Variants in CYRIB observed in about 807,000 individuals in gnomAD.
CYRIB encodes the protein CYFIP related Rac1 interactor B.
Under a neutral mutation model 44.2 loss-of-function variants are expected in CYRIB, and 8 were observed. The ratio of observed to expected loss-of-function variants is 0.18; its 90% CI spans 0.11 to 0.33. CYRIB has a LOEUF of 0.33. CYRIB is among the 10% of genes least tolerant of loss of function. The probability of loss-of-function intolerance (pLI) is 1.00; values close to 1 mark genes in which losing one functional copy is unlikely to be tolerated. For missense variants in CYRIB, 185 were observed against 382.8 expected (o/e 0.48, Z 4.31); for synonymous variants, 131 against 127.2 (o/e 1.03, Z -0.20).
At chr8:129,965,877 G>GGC (rs2095460451) in intron 2 of CYRIB, among the ~76,000 whole-genome samples, 1 of 151,926 alleles carries the variant, frequency 6.6e-6, no homozygotes, top group Admixed American at 6.6e-5. Flanking sequence ...TTGAGGCAGA[G>GGC]TCTTGCTCTT....
At chr8:129,930,943 T>C (rs2091044352) in intron 1 of CYRIB, among the ~76,000 whole-genome samples, 1 of 152,128 alleles carries the variant, frequency 6.6e-6, no homozygotes, top group African/African-American at 2.4e-5. Flanking sequence ...CTCCATACTT[T>C]TGAAAAAAAC....
intron 2 of CYRIB, among the ~76,000 whole-genome samples, chr8:129,947,501 C>T (rs1304285466): frequency 3.9e-5 from 6 of 152,184 alleles, no homozygotes; most frequent in Non-Finnish European, 8.8e-5. Flanking sequence ...GCAGTTCCTG[C>T]CATGGTGCCT....
chr8:129,998,159 C>A (rs533462772), intron 1 of CYRIB, among the ~76,000 whole-genome samples: 15 of 149,908 alleles, frequency 1.0e-4, no homozygotes, highest in African/African-American at 3.7e-4. Context: ...ACCTCAGAAA[C>A]GGAGGCTGCC....
chr8:129,914,393 T>C (rs181132380), intron 1 of CYRIB, among the ~76,000 whole-genome samples: 40 of 152,292 alleles, frequency 2.6e-4, no homozygotes, highest in African/African-American at 8.7e-4. Flanking sequence ...AGGATGACAA[T>C]GTCTCAGAGG....
intron 1 of CYRIB, among the ~76,000 whole-genome samples, chr8:129,996,823 A>G (rs1157790930): frequency 6.6e-6 from 1 of 152,034 alleles, no homozygotes; most frequent in African/African-American, 2.4e-5. Flanking sequence ...TTTTTTTAAG[A>G]TACCCTGAAG....
At chr8:129,921,252 T>A (rs1026926263) in intron 1 of CYRIB, among the ~76,000 whole-genome samples, 1 of 152,220 alleles carries the variant, frequency 6.6e-6, no homozygotes, top group Non-Finnish European at 1.5e-5. Flanking sequence ...TTGAGATTCA[T>A]AACAATTTAC....
At chr8:129,956,909 G>A (rs1437251691) in intron 2 of CYRIB, among the ~76,000 whole-genome samples, 1 of 144,084 alleles carries the variant, frequency 6.9e-6, no homozygotes, top group Non-Finnish European at 1.5e-5. Context: ...CATGACCATG[G>A]TTCACTGCAG....
At chr8:129,989,656 T>A (rs1383165342) in intron 1 of CYRIB, among the ~76,000 whole-genome samples, 1 of 151,156 alleles carries the variant, frequency 6.6e-6, no homozygotes, top group African/African-American at 2.4e-5. Context: ...TTTTTTTTTT[T>A]AATTATACTT....
At chr8:129,893,031 C>T (rs1265186992) in intron 2 of CYRIB, among the ~76,000 whole-genome samples, 1 of 152,152 alleles carries the variant, frequency 6.6e-6, no homozygotes, top group Non-Finnish European at 1.5e-5. Context: ...TTGTATGAAT[C>T]AGTAATTTTG....
intron 2 of CYRIB, among the ~76,000 whole-genome samples, chr8:129,949,800 C>T (rs2094407879): frequency 6.6e-6 from 1 of 151,970 alleles, no homozygotes; most frequent in African/African-American, 2.4e-5. Context: ...ATCACTTGAA[C>T]CCAGGGGGCA....
At position 130,014,677 on chromosome 8, in the gene CYRIB, T is replaced by C. The variant is rs544265642; in HGVS notation, c.-296+1693A>G. Among the ~76,000 whole-genome samples the C allele has an allele frequency of 1.5e-4, 23 of 152,310 alleles. No homozygotes were observed. In the South Asian group the frequency reaches 4.8e-3, roughly 32 times the overall value. On this transcript the variant is annotated intron_variant, in intron 1 of 14. Transcript: ENST00000401979. ...CCAAAGTGAAGGGCAGAAACATATA[T>C]TGGCCTTTATCTGAAAACCATTTCC... is the stretch of plus-strand genomic sequence containing the variant.
At chr8:129,901,872 C>T (rs1156785654) in intron 2 of CYRIB, 2 of 152,140 alleles carry the variant, frequency 1.3e-5, no homozygotes, top group African/African-American at 4.8e-5. Flanking sequence ...GAGAAACACA[C>T]ATATTAATGT....
At chr8:129,877,239 T>C (rs917615764) in intron 3 of CYRIB, among the ~76,000 whole-genome samples, 55 of 152,200 alleles carry the variant, frequency 3.6e-4, no homozygotes, top group South Asian at 3.3e-3. Context: ...AAGATCTACA[T>C]TGGCTGATAT....
rs181781045 is a variant in CYRIB, at chr8:129,931,451, G to A, written c.-50+8157C>T. On this transcript the variant is annotated intron_variant, in intron 1 of 11. Transcript: ENST00000519824. ...TGTAATCTCTTTCAAATTGAAAGAC[G>A]TATGAACATGTCAGTCATTACTTTT... 3.9e-4 allele frequency among the ~76,000 whole-genome samples: 60 copies of A among 152,232 alleles called. No homozygotes were observed. The South Asian group carries it at 5.2e-3, about 13-fold the overall frequency.
chr8:129,982,614 A>C (rs1000967343), intron 1 of CYRIB, among the ~76,000 whole-genome samples: 1 of 152,172 alleles, frequency 6.6e-6, no homozygotes, highest in Non-Finnish European at 1.5e-5. Context: ...ATCCTCACAA[A>C]CTTACTTTGC....
At chr8:129,926,229 T>C (rs1470615729) in intron 1 of CYRIB, among the ~76,000 whole-genome samples, 1 of 152,254 alleles carries the variant, frequency 6.6e-6, no homozygotes, top group African/African-American at 2.4e-5. Context: ...CAGCCACGGT[T>C]AACACTGTCC....
intron 3 of CYRIB, among the ~76,000 whole-genome samples, chr8:129,875,131 T>C (rs565200689): frequency 6.6e-6 from 1 of 152,330 alleles, no homozygotes; most frequent in South Asian, 2.1e-4. Flanking sequence ...TCCCAAGAAC[T>C]AGAATTTAGT....
chr8:129,989,099 C>T (rs2096557741), intron 1 of CYRIB, among the ~76,000 whole-genome samples: 1 of 152,164 alleles, frequency 6.6e-6, no homozygotes, highest in Admixed American at 6.5e-5. Flanking sequence ...ACTGAATCTT[C>T]ATTTTCACTT....
At chr8:129,974,936 G>T (rs988930112) in intron 1 of CYRIB, among the ~76,000 whole-genome samples, 12 of 150,980 alleles carry the variant, frequency 7.9e-5, no homozygotes, top group Non-Finnish European at 1.8e-4. Flanking sequence ...CCAGGCTGCA[G>T]TGGTGCGATC....
Sources: gnomAD v4.1 joint callset for allele counts (sites outside exome capture counted in the v4.1 genomes callset) on GRCh38, gnomAD v4.1.1 for gene constraint, MANE v1.5 for transcripts, NCBI Gene and HGNC (gene_info 2026-07-23, HGNC 2026-07-21) for gene names.